The following PODNL1 variants were observed in gnomAD, a reference collection of about 807,000 sequenced individuals.
PODNL1 encodes podocan-like protein 1.
In PODNL1, 50 loss-of-function variants were observed where a neutral mutation model predicts 45.1. The ratio of observed to expected loss-of-function variants is 1.11; its 90% CI spans 0.88 to 1.40. The LOEUF (loss-of-function observed/expected upper bound fraction) is 1.40. Ranked by LOEUF, PODNL1 falls within the 40% of genes most tolerant of loss-of-function variation. PODNL1 has a pLI of 0.00. For synonymous variants in PODNL1, 406 were observed against 372.5 expected, an observed-to-expected ratio of 1.09 and a Z score of -1.04; for missense variants, 788 against 793.3, an observed-to-expected ratio of 0.99 and a Z score of 0.08.
chr19:13,937,679 G>T, intron 2 of PODNL1, 106 bp downstream of exon 2: 1 of 1,057,722 alleles, frequency 9.5e-7, no homozygotes, highest in Non-Finnish European at 1.4e-6. Flanking sequence ...TCCTGCAAGT[G>T]TGTTCCTATA....
At chr19:13,945,766 T>C (rs891851340) in intron 1 of PODNL1, among the ~76,000 whole-genome samples, 7 of 151,696 alleles carry the variant, frequency 4.6e-5, no homozygotes, top group African/African-American at 1.7e-4. Flanking sequence ...ATTACAGGCG[T>C]AAGCCACTGC....
upstream of PODNL1, among the ~76,000 whole-genome samples, chr19:13,941,086 C>A (rs1179939575): frequency 6.6e-6 from 1 of 151,858 alleles, no homozygotes; most frequent in African/African-American, 2.4e-5. Flanking sequence ...ATAGTGTCGG[C>A]CAAGGACGGT....
At chr19:13,943,244 T>G (rs1972710781), upstream of PODNL1, among the ~76,000 whole-genome samples, 1 of 149,294 alleles carries the variant, frequency 6.7e-6, no homozygotes, top group Non-Finnish European at 1.5e-5. Flanking sequence ...TGTGGTGAGC[T>G]GAGATCGCGC....
At chr19:13,934,173 T>G in intron 6 of PODNL1, 81 bp downstream of exon 6, 1 of 1,432,856 alleles carries the variant, frequency 7.0e-7, no homozygotes, top group Non-Finnish European at 9.3e-7. Flanking sequence ...TTGAGAAGAA[T>G]GGAAAGCTAG....
chr19:13,953,033 C>G, intron 1 of PODNL1: 2 of 1,447,184 alleles, frequency 1.4e-6, no homozygotes, highest in Non-Finnish European at 1.9e-6. Flanking sequence ...TTTGCAGAGC[C>G]CCTGCCGCTG....
chr19:13,952,466 T>C lies in PODNL1; in HGVS notation c.18+653A>G, dbSNP rs375241993. The stretch of plus-strand genomic sequence containing the variant: ...AGGACCAATGAGGAGGCGGCAGGGG[T>C]GGGGCGAAGGGGCCGGTTGCTCCGG... On this transcript the variant is annotated intron_variant, in intron 1 of 7. Transcript: ENST00000538371. The C allele has an allele frequency of 9.2e-5, 114 of 1,242,974 alleles. No individual in the cohort carries two copies. In the African/African-American group the frequency reaches 1.7e-3, roughly 18 times the overall value. The allele number at this position is 1,242,974 out of a possible 1,614,324, so 77.0% of individuals were successfully genotyped here.
At chr19:13,939,146 G>T (rs1972561975), upstream of PODNL1, among the ~76,000 whole-genome samples, 1 of 152,166 alleles carries the variant, frequency 6.6e-6, no homozygotes, top group East Asian at 1.9e-4. Context: ...GGATTGACAG[G>T]CTGGGTGCTG....
At chr19:13,948,942 G>GAA (rs554640847) in intron 1 of PODNL1, among the ~76,000 whole-genome samples, 24 of 126,204 alleles carry the variant, frequency 1.9e-4, no homozygotes, top group Admixed American at 4.1e-4. Flanking sequence ...CTCTGTCTCA[G>GAA]AAAAAAAAAA....
In PODNL1 at chr19:13,933,697, C is replaced by T. The variant is rs972454243; in HGVS notation, c.767+181G>A. ...GAGATGGAAAGGCATGTGAGACTTA[C>T]GATGTCAGTGCAGGGCTGTGGGGAA... is the stretch of plus-strand genomic sequence containing the variant. On this transcript the variant is annotated intron_variant, in intron 7 of 9. Coordinates refer to ENST00000588872, the MANE Select transcript of PODNL1 (RefSeq NM_001370095.3). The surrounding 1 kb of genome is among the most constrained non-coding windows in gnomAD (Gnocchi z 5.2). 3.3e-5 allele frequency among the ~76,000 whole-genome samples: 5 copies of T among 152,072 alleles called. No homozygotes were observed. The highest frequency in any genetic ancestry group is 1.2e-4 in the African/African-American group (5 of 41,394).
upstream of PODNL1, among the ~76,000 whole-genome samples, chr19:13,939,522 C>G (rs1972579079): frequency 6.6e-6 from 1 of 152,034 alleles, no homozygotes; most frequent in African/African-American, 2.4e-5. Context: ...AGAAGGATCT[C>G]TTGAGGCCAG....
In PODNL1 at chr19:13,931,959, G is replaced by A. The variant is rs1054807022; in HGVS notation, c.1574+5C>T. On this transcript the variant is annotated splice_donor_5th_base_variant and intron_variant, in intron 9 of 9. Coordinates refer to ENST00000588872, the MANE Select transcript of PODNL1 (RefSeq NM_001370095.3). ...CCTCCACCCCTCCGGTCACCCTCGG[G>A]GCACCTGAGGAAGAGGGCACGCAGG... The A allele has an allele frequency of 1.3e-5, 16 of 1,232,126 alleles. No homozygotes were observed. Among genetic ancestry groups the A allele is most frequent in the Non-Finnish European group, 1.6e-5 (16 of 988,102 alleles). 76.3% of individuals were successfully genotyped at this position (1,232,126 alleles called of 1,614,324 possible).
chr19:13,953,017 G>T (rs917281511), intron 1 of PODNL1: 5 of 1,319,250 alleles, frequency 3.8e-6, no homozygotes, highest in African/African-American at 1.5e-5. Context: ...GAACCTTCCC[G>T]CCCCCTTTGC....
intron 6 of PODNL1, 47 bp from the exon 7 acceptor site, chr19:13,934,040 G>C: frequency 6.6e-7 from 1 of 1,523,208 alleles, no homozygotes; most frequent in Non-Finnish European, 8.9e-7. Flanking sequence ...GATGAGGGCA[G>C]CGGGAAGCCA....
Position 13,932,971 on chromosome 19 carries a change from T to C in PODNL1, c.1252A>G (p.Met418Val). Residue 418 changes from methionine to valine, a missense_variant, in exon 8 of 10, where the codon ATG becomes GTG. By Grantham distance (21) the Met-to-Val change is conservative (BLOSUM62 1). Transcript: ENST00000588872. ...LAGNQLTRLP[M>V]GLPTGLRTLQ... ...GTGCGCAGGCCAGTGGGCAGGCCCA[T>C]GGGCAGCCGGGTTAGCTGATTCCCT... The C allele has an allele frequency of 1.9e-6, 3 of 1,554,856 alleles. No individual in the cohort carries two copies. Among genetic ancestry groups the C allele is most frequent in the South Asian group, 1.2e-5 (1 of 85,932 alleles).
upstream of PODNL1, among the ~76,000 whole-genome samples, chr19:13,938,745 C>T (rs1267253082): frequency 6.6e-6 from 1 of 151,976 alleles, no homozygotes; most frequent in Non-Finnish European, 1.5e-5. Context: ...TTGCTCCAGA[C>T]ACCCGCCCCC....
chr19:13,938,531 C>G, upstream of PODNL1: 1 of 1,077,838 alleles, frequency 9.3e-7, no homozygotes, highest in East Asian at 5.5e-5. Context: ...TTCGTCCTGT[C>G]TGGTATTTGG....
rs375205215 is a variant in PODNL1, at chr19:13,933,995, T to C, written c.652-2A>G. 45 of 1,598,426 alleles carry C rather than the reference T, an allele frequency of 2.8e-5. No homozygotes were observed. The African/African-American group carries it at 5.5e-4, about 20-fold the overall frequency. On this transcript the variant is annotated splice_acceptor_variant, in intron 6 of 9. Transcript: ENST00000588872. LOFTEE classifies it high-confidence loss of function. The surrounding 1 kb of genome is among the most constrained non-coding windows in gnomAD (Gnocchi z 5.2). ...GGGCACCTTGGAGATGAGATTGTTC[T>C]GGAGAAGGAAGAAGAGAATGAGACT...
At chr19:13,939,998 G>A (rs1418578835), upstream of PODNL1, 1 of 151,998 alleles carries the variant, frequency 6.6e-6, no homozygotes, top group African/African-American at 2.4e-5. Context: ...AATGAGCTAT[G>A]TGCCACTGCA....
intron 1 of PODNL1, among the ~76,000 whole-genome samples, chr19:13,948,532 T>C (rs887665680): frequency 1.3e-5 from 2 of 151,106 alleles, no homozygotes; most frequent in Non-Finnish European, 2.9e-5. Flanking sequence ...TTTTCAATGC[T>C]AGTAGATTAA....
Sources: allele counts gnomAD v4.1 joint callset (sites outside exome capture counted in the v4.1 genomes callset), GRCh38; gene constraint gnomAD v4.1.1; non-coding constraint Gnocchi (gnomAD v3.1); transcripts MANE v1.5; gene names NCBI Gene and HGNC (gene_info 2026-07-23, HGNC 2026-07-21).